VPS8: variants seen among roughly 807,000 people sequenced by gnomAD.
VPS8 encodes vacuolar protein sorting-associated protein 8 homolog.
Under a neutral mutation model 216.4 loss-of-function variants are expected in VPS8, and 129 were observed. That is an observed-to-expected ratio of 0.60 (90% CI 0.52 to 0.69). The LOEUF (loss-of-function observed/expected upper bound fraction) is 0.69, where lower values mean the gene tolerates loss of function less well. Ranked by LOEUF, VPS8 falls within the 30% of genes least tolerant of loss-of-function variation. The pLI is 0.00. For synonymous variants in VPS8, 571 were observed against 565.4 expected (o/e 1.01, Z -0.14); for missense variants, 1,531 against 1,683.5 (o/e 0.91, Z 1.59).
chr3:184,822,900 AGT>A (rs1174660853), intron 1 of VPS8, among the ~76,000 whole-genome samples: 1 of 152,214 alleles, frequency 6.6e-6, no homozygotes, highest in African/African-American at 2.4e-5. Flanking sequence ...TGTGTTTGAT[AGT>A]GTGTGTTTTA....
chr3:184,910,152 AGACG>A (rs1373548721), intron 25 of VPS8, among the ~76,000 whole-genome samples: 22 of 54,094 alleles, frequency 4.1e-4, no homozygotes, highest in African/African-American at 1.9e-3. Flanking sequence ...TTTTTTTTTG[AGACG>A]GAGTCTCATT....
intron 25 of VPS8, among the ~76,000 whole-genome samples, chr3:184,909,596 T>A (rs908524201): frequency 6.6e-6 from 1 of 152,222 alleles, no homozygotes; most frequent in Non-Finnish European, 1.5e-5. Context: ...CGGTCTAATT[T>A]CCATTTAGTT....
intron 1 of VPS8, 145 bp downstream of exon 1, chr3:184,812,370 A>G (rs941054523): frequency 1.3e-5 from 2 of 152,166 alleles, no homozygotes; most frequent in Non-Finnish European, 2.9e-5. Context: ...GAGCGAACAG[A>G]GCAGCCCCTG....
At chr3:184,969,850 G>C (rs959483870) in intron 39 of VPS8, among the ~76,000 whole-genome samples, 1 of 149,502 alleles carries the variant, frequency 6.7e-6, no homozygotes, top group Non-Finnish European at 1.5e-5. Flanking sequence ...TTGAATTCCA[G>C]TGAAAATAAA....
Position 184,871,576 on chromosome 3 carries a change from G to T in VPS8, c.1734+771G>T, listed in dbSNP as rs74764420. Among the ~76,000 whole-genome samples, 1,303 of 152,126 alleles carry T rather than the reference G, an allele frequency of 8.6e-3. 27 individuals carry two copies. Among genetic ancestry groups the T allele is most frequent in the African/African-American group, 0.03 (1,242 of 41,490 alleles). On this transcript the variant is annotated intron_variant, in intron 21 of 47. Coordinates refer to ENST00000625842, the MANE Select transcript of VPS8 (RefSeq NM_001009921.3). ...ATTTTTTAAGCAACCCCTTAAAATT[G>T]TAAAGTCCATTCTTAGCTGTGAACA...
At chr3:184,885,902 T>A in intron 21 of VPS8, 1 of 497,460 alleles carries the variant, frequency 2.0e-6, no homozygotes, top group Non-Finnish European at 3.6e-6. Context: ...CTTAAACATA[T>A]TTAGGGTACA....
At chr3:184,978,171 T>A (rs949845553) in intron 40 of VPS8, among the ~76,000 whole-genome samples, 1 of 152,160 alleles carries the variant, frequency 6.6e-6, no homozygotes, top group South Asian at 2.1e-4. Context: ...TGGAAGGTTG[T>A]ATGTTTCCAG....
At chr3:184,943,341 A>T (rs1344023345) in intron 36 of VPS8, among the ~76,000 whole-genome samples, 1 of 152,240 alleles carries the variant, frequency 6.6e-6, no homozygotes, top group Non-Finnish European at 1.5e-5. Flanking sequence ...AAGAAAGCGC[A>T]GAGCACATGG....
At chr3:184,895,448 T>C (rs867024379) in intron 23 of VPS8, among the ~76,000 whole-genome samples, 1 of 151,946 alleles carries the variant, frequency 6.6e-6, no homozygotes, top group Admixed American at 6.5e-5. Flanking sequence ...TAGCCAGCCA[T>C]TGTTTGATAA....
chr3:184,979,702 A>G (rs527400657), intron 40 of VPS8, among the ~76,000 whole-genome samples: 1 of 152,184 alleles, frequency 6.6e-6, no homozygotes, highest in East Asian at 1.9e-4. Context: ...CATTGCGTGT[A>G]AGATGGATCT....
chr3:184,969,461 G>T (rs1251545451), intron 39 of VPS8, among the ~76,000 whole-genome samples: 2 of 104,178 alleles, frequency 1.9e-5, no homozygotes, highest in African/African-American at 7.8e-5. Context: ...AGATAGTCTT[G>T]CTCTGTTGCC....
chr3:184,818,644 G>C (rs1716882237), intron 1 of VPS8, among the ~76,000 whole-genome samples: 1 of 151,780 alleles, frequency 6.6e-6, no homozygotes, highest in South Asian at 2.1e-4. Flanking sequence ...AAGGAATGAA[G>C]AGAAATGCTT....
chr3:184,849,246 AT>A, intron 9 of VPS8, 51 bp downstream of exon 9: 1 of 1,583,688 alleles, frequency 6.3e-7, no homozygotes, highest in South Asian at 1.1e-5. Flanking sequence ...AACAAGATGA[AT>A]TTACAAAAAC....
intron 34 of VPS8, among the ~76,000 whole-genome samples, chr3:184,931,087 A>G (rs906657530): frequency 1.3e-5 from 2 of 152,192 alleles, no homozygotes; most frequent in African/African-American, 4.8e-5. Flanking sequence ...ATTAAGAAAC[A>G]ATGCTTCTAG....
At chr3:184,976,233 G>T (rs968671109) in intron 40 of VPS8, among the ~76,000 whole-genome samples, 16 of 152,024 alleles carry the variant, frequency 1.1e-4, no homozygotes, top group African/African-American at 3.9e-4. Context: ...TTTACCTAAT[G>T]AAGGTTTATA....
intron 45 of VPS8, among the ~76,000 whole-genome samples, chr3:185,020,256 A>G (rs1756454618): frequency 6.6e-6 from 1 of 152,238 alleles, no homozygotes; most frequent in Non-Finnish European, 1.5e-5. Context: ...CTTTGTAGCC[A>G]TGAAAAATCA....
Position 184,930,487 on chromosome 3 carries a change from C to G in VPS8, c.2817C>G (p.Tyr939Ter). ...CTCTTCAGGAAGAAGTCTTTAATTA[C>G]ATTCACAATATCTTATCCATTCCCG... ...DPLREEEVFN[Y>*]IHNILSIPGH... is the part of the protein sequence containing the mutation. The change falls in exon 34 of 48, where the codon TAC becomes TAG. Residue 939 changes from tyrosine to a stop codon, truncating the protein, a stop_gained. Coordinates refer to ENST00000625842, the MANE Select transcript of VPS8 (RefSeq NM_001009921.3). LOFTEE classifies it high-confidence loss of function. The G allele has an allele frequency of 6.2e-7, 1 of 1,612,352 alleles. No individual in the cohort carries two copies. The highest frequency in any genetic ancestry group is 8.5e-7 in the Non-Finnish European group (1 of 1,178,606).
At chr3:184,903,475 G>A (rs973093675) in intron 25 of VPS8, among the ~76,000 whole-genome samples, 7 of 151,976 alleles carry the variant, frequency 4.6e-5, no homozygotes, top group East Asian at 1.9e-4. Context: ...TTTTAGAGAC[G>A]GAGTCTCACT....
intron 45 of VPS8, among the ~76,000 whole-genome samples, chr3:185,014,489 T>C (rs971449672): frequency 2.0e-5 from 3 of 152,172 alleles, no homozygotes; most frequent in African/African-American, 7.2e-5. Context: ...ATAACCTTTA[T>C]CCCAAGTTAT....
Sources: allele counts gnomAD v4.1 joint callset (sites outside exome capture counted in the v4.1 genomes callset), GRCh38; gene constraint gnomAD v4.1.1; transcripts MANE v1.5; gene names NCBI Gene and HGNC (gene_info 2026-07-23, HGNC 2026-07-21).